The following MDGA2 variants were observed in gnomAD, a reference collection of about 807,000 sequenced individuals.
The protein encoded by MDGA2 is MAM domain-containing glycosylphosphatidylinositol anchor protein 2.
Under a neutral mutation model 117.8 loss-of-function variants are expected in MDGA2, and 40 were observed. The ratio of observed to expected loss-of-function variants is 0.34; its 90% CI spans 0.26 to 0.44. The LOEUF is 0.44. MDGA2 is among the 20% of genes least tolerant of loss of function. The pLI, the probability that MDGA2 is intolerant of heterozygous loss-of-function variation, is 1.00. For synonymous variants in MDGA2, 452 were observed against 439.0 expected, an observed-to-expected ratio of 1.03 and a Z score of -0.37; for missense variants, 1,123 against 1,250.6, an observed-to-expected ratio of 0.90 and a Z score of 1.54.
At chr14:47,292,772 G>C (rs117619004) in intron 2 of MDGA2, among the ~76,000 whole-genome samples, 1 of 152,088 alleles carries the variant, frequency 6.6e-6, no homozygotes, top group African/African-American at 2.4e-5. Context: ...CATTATAGCG[G>C]AAAATGCCTA....
At chr14:47,096,830 G>A in intron 6 of MDGA2, 24 bp downstream of exon 6, 1 of 1,609,238 alleles carries the variant, frequency 6.2e-7, no homozygotes, top group Non-Finnish European at 8.5e-7. Flanking sequence ...AATCTACGTT[G>A]TAACATTCTT....
At chr14:46,930,894 T>C (rs1471175420) in intron 9 of MDGA2, among the ~76,000 whole-genome samples, 1 of 152,094 alleles carries the variant, frequency 6.6e-6, no homozygotes, top group Non-Finnish European at 1.5e-5. Context: ...GGAAATCAAT[T>C]GTACTTAAAA....
intron 6 of MDGA2, among the ~76,000 whole-genome samples, chr14:47,093,818 C>T (rs1289959378): frequency 6.6e-6 from 1 of 152,048 alleles, no homozygotes; most frequent in African/African-American, 2.4e-5. Context: ...TTATGCTGTG[C>T]ATGGACATTC....
chr14:47,101,221 G>C (rs987469632), intron 5 of MDGA2, among the ~76,000 whole-genome samples: 2 of 152,078 alleles, frequency 1.3e-5, no homozygotes, highest in Non-Finnish European at 2.9e-5. Flanking sequence ...GAAAGGAAGG[G>C]AAAGGGGAAC....
chr14:47,609,439 A>ATG lies in MDGA2; in HGVS notation c.280+65077_280+65078insCA, dbSNP rs112179137. On this transcript the variant is annotated intron_variant, in intron 1 of 16. Coordinates refer to ENST00000399232, the MANE Select transcript of MDGA2 (RefSeq NM_001113498.3). ...GAGTAGTATTCCATCATATATATAT[A>ATG]TATATATATATATATATATATATAT... is the stretch of plus-strand genomic sequence containing the variant. Among the ~76,000 whole-genome samples, 10 of 86,050 alleles carry ATG rather than the reference A, an allele frequency of 1.2e-4. No homozygotes were observed. The East Asian group carries it at 4.0e-3, about 34-fold the overall frequency. 56.5% of individuals were successfully genotyped at this position (86,050 alleles called of 152,430 possible). A position where few individuals can be genotyped will look rare whatever the true frequency, so the allele number is the denominator to read the frequency against.
intron 1 of MDGA2, among the ~76,000 whole-genome samples, chr14:47,308,240 G>A (rs999890265): frequency 2.0e-5 from 3 of 152,200 alleles, no homozygotes; most frequent in South Asian, 2.1e-4. Context: ...TAGTAAAACC[G>A]CTATTTAGGC....
intron 8 of MDGA2, among the ~76,000 whole-genome samples, chr14:47,023,245 CTGACAGCAATGCAGCAATGT>C (rs1888359448): frequency 6.8e-6 from 1 of 146,582 alleles, no homozygotes; most frequent in African/African-American, 2.5e-5. Context: ...AAAAGTTCAT[CTGACAGCAATGCAGCAATGT>C]TGCCAAGGGA....
rs1447058020 is a variant in MDGA2, at chr14:47,366,778, T to G, written c.281-65228A>C. ...GAATTTATTATTTCTTTAGAAGCAC[T>G]TAAAATATTACATGAACTTCAAGTC... On this transcript the variant is annotated intron_variant, in intron 1 of 16. Transcript: ENST00000399232. 2.0e-5 allele frequency among the ~76,000 whole-genome samples: 3 copies of G among 151,392 alleles called. No individual in the cohort carries two copies. The East Asian group carries it at 5.8e-4, about 29-fold the overall frequency.
chr14:47,459,809 T>G (rs887866401), intron 1 of MDGA2, among the ~76,000 whole-genome samples: 12 of 152,180 alleles, frequency 7.9e-5, no homozygotes, highest in African/African-American at 2.7e-4. Context: ...ATTTATGTGT[T>G]ATGGTAGCTG....
intron 2 of MDGA2, among the ~76,000 whole-genome samples, chr14:47,249,828 T>A (rs925529209): frequency 6.6e-6 from 1 of 152,204 alleles, no homozygotes; most frequent in Non-Finnish European, 1.5e-5. Flanking sequence ...ACAAGATTCT[T>A]CTTTGTATTT....
chr14:46,850,286 T>C (rs868315074), intron 15 of MDGA2, among the ~76,000 whole-genome samples: 2 of 151,862 alleles, frequency 1.3e-5, no homozygotes, highest in African/African-American at 2.4e-5. Flanking sequence ...ATATAGATGA[T>C]GCTATAAAAG....
intron 1 of MDGA2, among the ~76,000 whole-genome samples, chr14:47,495,932 G>A (rs556610086): frequency 4.6e-5 from 7 of 151,700 alleles, no homozygotes; most frequent in Non-Finnish European, 7.4e-5. Context: ...TTTGATGTTC[G>A]AAAAATTATT....
chr14:47,559,160 G>C (rs886104017), intron 1 of MDGA2, among the ~76,000 whole-genome samples: 15 of 152,138 alleles, frequency 9.9e-5, no homozygotes, highest in Middle Eastern at 3.2e-3. Context: ...TGTTGCAAGG[G>C]TTTGGTGTAT....
intron 1 of MDGA2, among the ~76,000 whole-genome samples, chr14:47,462,203 C>T (rs1893501621): frequency 6.6e-6 from 1 of 151,880 alleles, no homozygotes; most frequent in African/African-American, 2.4e-5. Flanking sequence ...CGGTGAAACC[C>T]GTCGCTACTA....
At chr14:47,139,034 CAT>C (rs1250696404) in intron 4 of MDGA2, among the ~76,000 whole-genome samples, 2 of 151,920 alleles carry the variant, frequency 1.3e-5, no homozygotes, top group African/African-American at 4.8e-5. Context: ...TAGTTATTAA[CAT>C]ATAATGAATG....
In MDGA2 at chr14:47,163,887, C is replaced by A. The variant is rs917311153; in HGVS notation, c.596-19613G>T. Reference sequence around the variant, plus strand: ...CAGCACCCTGAATTTAATATGAGCACAACAGCACACATTGAGAAATTCAGC... The same window carrying A: ...CAGCACCCTGAATTTAATATGAGCAAAACAGCACACATTGAGAAATTCAGC... On this transcript the variant is annotated intron_variant, in intron 3 of 16. Coordinates refer to ENST00000399232, the MANE Select transcript of MDGA2 (RefSeq NM_001113498.3). Among the ~76,000 whole-genome samples the A allele has an allele frequency of 2.6e-5, 4 of 152,164 alleles. No individual in the cohort carries two copies. In the South Asian group the frequency reaches 8.3e-4, roughly 31 times the overall value.
chr14:47,410,466 G>A (rs1892349383), intron 1 of MDGA2, among the ~76,000 whole-genome samples: 1 of 151,760 alleles, frequency 6.6e-6, no homozygotes, highest in African/African-American at 2.4e-5. Flanking sequence ...CATACTTGTG[G>A]TTTACTTCCT....
intron 1 of MDGA2, among the ~76,000 whole-genome samples, chr14:47,581,757 A>C (rs182358775): frequency 7.6e-4 from 115 of 152,072 alleles, no homozygotes; most frequent in Non-Finnish European, 1.1e-3. Flanking sequence ...ACACAGGCGC[A>C]ACAACCTGAA....
At chr14:47,557,758 A>G (rs1357415344) in intron 1 of MDGA2, among the ~76,000 whole-genome samples, 2 of 152,242 alleles carry the variant, frequency 1.3e-5, no homozygotes, top group South Asian at 4.1e-4. Flanking sequence ...TGTTAGGAAT[A>G]GTATCCTTAG....
Sources: gnomAD v4.1 joint callset for allele counts (sites outside exome capture counted in the v4.1 genomes callset) on GRCh38, gnomAD v4.1.1 for gene constraint, MANE v1.5 for transcripts, NCBI Gene and HGNC (gene_info 2026-07-23, HGNC 2026-07-21) for gene names.